The following ADAM32 variants were observed in gnomAD, a reference collection of about 807,000 sequenced individuals.
ADAM32 encodes the protein ADAM metallopeptidase domain 32, also known as disintegrin and metalloproteinase domain-containing protein 32.
ADAM32 carries 89 observed loss-of-function variants against 114.9 expected under a neutral mutation model. The observed-to-expected ratio is 0.77, with a 90% CI of 0.65 to 0.92. The LOEUF (loss-of-function observed/expected upper bound fraction) is 0.92. Among genes scored for constraint, ADAM32 ranks in the 40% least tolerant of loss-of-function variants. The pLI is 0.00. For missense variants in ADAM32, 870 were observed against 932.8 expected (o/e 0.93, Z 0.88); for synonymous variants, 285 against 307.5 (o/e 0.93, Z 0.77).
chr8:39,267,614 G>A (rs1260719291), intron 19 of ADAM32, among the ~76,000 whole-genome samples: 1 of 152,168 alleles, frequency 6.6e-6, no homozygotes, highest in Non-Finnish European at 1.5e-5. Flanking sequence ...TCTCAGCAAG[G>A]CAAATTTACT....
chr8:39,120,761 C>CAAAAAA (rs748561734), intron 2 of ADAM32, among the ~76,000 whole-genome samples: 2 of 99,498 alleles, frequency 2.0e-5, no homozygotes, highest in Non-Finnish European at 1.9e-5. Flanking sequence ...GACTCCGTCT[C>CAAAAAA]AAAAAAAAAA....
rs182749278 is a variant in ADAM32 at position 39,126,121 on chromosome 8, C to T, written c.138+7956C>T. ...TGCCTTCAGCTTCGTTCTTCTTGCT[C>T]GAGTTCGGGTCTTGGCTATTTGGGC... is the stretch of plus-strand genomic sequence containing the variant. On this transcript the variant is annotated intron_variant, in intron 2 of 24. Transcript: ENST00000379907. Among the ~76,000 whole-genome samples the T allele has an allele frequency of 9.2e-5, 14 of 151,856 alleles. No individual in the cohort carries two copies. The East Asian group carries it at 1.7e-3, about 19-fold the overall frequency.
intron 12 of ADAM32, among the ~76,000 whole-genome samples, chr8:39,213,928 G>A (rs1585556609): frequency 6.6e-6 from 1 of 151,994 alleles, no homozygotes; most frequent in African/African-American, 2.4e-5. Context: ...CAAATAAGTG[G>A]GAACATGCAG....
At chr8:39,111,948 C>T (rs1840178456) in intron 1 of ADAM32, among the ~76,000 whole-genome samples, 1 of 152,102 alleles carries the variant, frequency 6.6e-6, no homozygotes, top group Non-Finnish European at 1.5e-5. Flanking sequence ...TTTGGCTTTA[C>T]ATCAGAATAA....
chr8:39,241,718 A>G (rs1810566340), intron 16 of ADAM32, among the ~76,000 whole-genome samples: 1 of 152,228 alleles, frequency 6.6e-6, no homozygotes, highest in South Asian at 2.1e-4. Context: ...TGGCCCACAA[A>G]GTCATTTTTT....
chr8:39,240,165 C>G lies in ADAM32; in HGVS notation c.1819-5918C>G, dbSNP rs569487237. On this transcript the variant is annotated intron_variant, in intron 16 of 24. Coordinates refer to ENST00000379907, the MANE Select transcript of ADAM32 (RefSeq NM_145004.7). ...ACATGGAACATATTCCAAGACTGAT[C>G]ATATGATAGACCACAAAATAAGCCT... 1.2e-4 allele frequency among the ~76,000 whole-genome samples: 18 copies of G among 152,278 alleles called. No homozygotes were observed. The South Asian group carries it at 3.7e-3, about 32-fold the overall frequency.
intron 11 of ADAM32, among the ~76,000 whole-genome samples, chr8:39,190,049 AC>A (rs1806505838): frequency 6.6e-6 from 1 of 152,052 alleles, no homozygotes; most frequent in Non-Finnish European, 1.5e-5. Flanking sequence ...CGATCTCCTG[AC>A]CTCGTGATCC....
chr8:39,284,845 A>G lies in ADAM32; in HGVS notation c.*46A>G. On this transcript the variant is annotated 3_prime_UTR_variant, in exon 25 of 25. Transcript: ENST00000379907. ...GGATAACATCGAGAGTCTCGCTAAG[A>G]AATGAAAATTCTGTCTTTCCTTCCG... 6.2e-7 allele frequency: 1 copy of G among 1,608,286 alleles called. No homozygotes were observed. Among genetic ancestry groups the G allele is most frequent in the Non-Finnish European group, 8.5e-7 (1 of 1,175,036 alleles).
intron 12 of ADAM32, among the ~76,000 whole-genome samples, chr8:39,213,742 G>T (rs1237489482): frequency 1.3e-5 from 2 of 151,956 alleles, no homozygotes; most frequent in Non-Finnish European, 1.5e-5. Flanking sequence ...CAGACACTTT[G>T]TTGTGCTATG....
chr8:39,147,003 G>T lies in ADAM32; in HGVS notation c.201-127G>T, dbSNP rs140375339. On this transcript the variant is annotated intron_variant, in intron 3 of 24. Transcript: ENST00000379907. ...TATGTGGGTGAATGGGTATGGCTGT[G>T]TTTCAATAAACCTTTATTTACAAAA... The T allele has an allele frequency of 3.8e-4, 134 of 350,142 alleles. 2 individuals carry two copies. The Middle Eastern group carries it at 0.02, about 54-fold the overall frequency. 21.7% of individuals were successfully genotyped at this position (350,142 alleles called of 1,614,324 possible). A position where few individuals can be genotyped will look rare whatever the true frequency, so the allele number is the denominator to read the frequency against.
At chr8:39,221,558 A>G (rs887932730) in intron 12 of ADAM32, 52 bp from the exon 13 acceptor site, 40 of 1,380,592 alleles carry the variant, frequency 2.9e-5, no homozygotes, top group Admixed American at 5.5e-5. Context: ...CCTAGTAAAG[A>G]TTTTACTATT....
In ADAM32 at chr8:39,141,929, C is replaced by G. The variant is rs1198897597; in HGVS notation, c.201-5201C>G. Among the ~76,000 whole-genome samples the G allele has an allele frequency of 2.0e-5, 3 of 152,132 alleles. No individual in the cohort carries two copies. The East Asian group carries it at 5.8e-4, about 29-fold the overall frequency. The stretch of plus-strand genomic sequence containing the variant: ...TTAGCTCTTCTTGTTGAATAGATCC[C>G]TTTACCATTATGTAGTGGCCTTCTT... On this transcript the variant is annotated intron_variant, in intron 3 of 24. Coordinates refer to ENST00000379907, the MANE Select transcript of ADAM32 (RefSeq NM_145004.7).
chr8:39,113,378 A>G (rs925318488), intron 1 of ADAM32, among the ~76,000 whole-genome samples: 5 of 152,182 alleles, frequency 3.3e-5, no homozygotes, highest in African/African-American at 9.7e-5. Context: ...AACTTGCTGC[A>G]GATTCTTCTC....
intron 2 of ADAM32, among the ~76,000 whole-genome samples, chr8:39,121,467 G>A (rs1377430584): frequency 6.6e-6 from 1 of 152,104 alleles, no homozygotes; most frequent in Non-Finnish European, 1.5e-5. Flanking sequence ...GAGGGCTAGG[G>A]GAGGGAGAGC....
intron 12 of ADAM32, among the ~76,000 whole-genome samples, chr8:39,218,194 T>C (rs1808719670): frequency 6.6e-6 from 1 of 152,174 alleles, no homozygotes; most frequent in African/African-American, 2.4e-5. Context: ...ACTTATTTTC[T>C]TTCCTTACTT....
intron 9 of ADAM32, chr8:39,168,555 A>G (rs1804994388): frequency 1.3e-5 from 2 of 152,222 alleles, no homozygotes; most frequent in Non-Finnish European, 2.9e-5. Flanking sequence ...TTCGGCTCCC[A>G]ACACTACATG....
intron 12 of ADAM32, chr8:39,221,403 A>G: frequency 2.0e-6 from 1 of 506,064 alleles, no homozygotes; most frequent in South Asian, 2.7e-5. Flanking sequence ...GAGGAAGGTA[A>G]GTAGGTTACT....
At chr8:39,223,272 A>G (rs374204767) in intron 14 of ADAM32, 34 bp downstream of exon 14, 148 of 1,410,686 alleles carry the variant, frequency 1.0e-4, no homozygotes, top group Middle Eastern at 3.8e-4. Context: ...AATAGCCCTT[A>G]ACATTGTTAT....
intron 7 of ADAM32, 111 bp downstream of exon 7, chr8:39,161,076 A>T: frequency 1.0e-6 from 1 of 963,428 alleles, no homozygotes; most frequent in Admixed American, 3.6e-5. Flanking sequence ...CACATGTCAT[A>T]GAGACAATAG....
Sources: gnomAD v4.1 joint callset for allele counts (sites outside exome capture counted in the v4.1 genomes callset) on GRCh38, gnomAD v4.1.1 for gene constraint, MANE v1.5 for transcripts, NCBI Gene and HGNC (gene_info 2026-07-23, HGNC 2026-07-21) for gene names.